HIF1A: variants seen among roughly 807,000 people sequenced by gnomAD.
The protein encoded by HIF1A is hypoxia inducible factor 1 subunit alpha.
In HIF1A, 24 loss-of-function variants were observed where a neutral mutation model predicts 92.7. The observed-to-expected ratio is 0.26, with a 90% CI of 0.19 to 0.36. HIF1A has a LOEUF of 0.36. Among genes scored for constraint, HIF1A ranks in the 10% least tolerant of loss-of-function variants. The pLI, the probability that HIF1A is intolerant of heterozygous loss-of-function variation, is 1.00. For missense variants in HIF1A, 799 were observed against 998.5 expected (o/e 0.80, Z 2.69); for synonymous variants, 319 against 338.7 (o/e 0.94, Z 0.64).
rs1319118404 is a variant in HIF1A, at chr14:61,732,513, C to T, written c.869C>T (p.Thr290Ile). ...TTGGACTCTGATCATCTGACCAAAA[C>T]TCATCATGATAGTAAGTACAATGGA... ...HALDSDHLTK[T>I]HHDMFTKGQV... Residue 290 changes from threonine to isoleucine, a missense_variant, in exon 7 of 15, where the codon ACT (threonine) becomes ATT (isoleucine). Transcript: ENST00000337138. 2 of 1,582,456 alleles carry T rather than the reference C, an allele frequency of 1.3e-6. No homozygotes were observed. The highest frequency in any genetic ancestry group is 2.2e-5 in the South Asian group (2 of 90,408).
In HIF1A at chr14:61,695,535, G is replaced by C. The variant is rs956249304; in HGVS notation, c.-270G>C. ...CTCAGTGCACAGTGCTGCCTCGTCT[G>C]AGGGGACAGGAGGATCACCCTCTTC... On this transcript the variant is annotated 5_prime_UTR_variant, in exon 1 of 15. Coordinates refer to ENST00000337138, the MANE Select transcript of HIF1A (RefSeq NM_001530.4). The C allele has an allele frequency of 2.9e-5, 16 of 554,502 alleles. No individual in the cohort carries two copies. The highest frequency in any genetic ancestry group is 1.8e-4 in the South Asian group (8 of 45,500). The allele number at this position is 554,502 out of a possible 1,614,324, so 34.3% of individuals were successfully genotyped here.
At chr14:61,701,961 C>G (rs2140117869) in intron 1 of HIF1A, among the ~76,000 whole-genome samples, 1 of 152,002 alleles carries the variant, frequency 6.6e-6, no homozygotes, top group South Asian at 2.1e-4. Flanking sequence ...GCACTCCAGC[C>G]TGGGTGACAG....
intron 9 of HIF1A, among the ~76,000 whole-genome samples, chr14:61,737,793 G>C (rs1014200073): frequency 1.3e-5 from 2 of 152,160 alleles, no homozygotes; most frequent in Non-Finnish European, 2.9e-5. Context: ...TTGGGAGGCC[G>C]AGGCGGGTGG....
rs754879947 is a variant in HIF1A at position 61,746,392 on chromosome 14, CTT to C, written c.2330-521_2330-520del. On this transcript the variant is annotated intron_variant, in intron 14 of 14. Transcript: ENST00000337138. ...TGAAATTTGTGAACTTTTATGACTT[CTT>C]TTTTTTTTTTTTTTTTTTTTGAGAC... Among the ~76,000 whole-genome samples the C allele has an allele frequency of 3.0e-4, 15 of 49,466 alleles. 2 individuals are homozygous for C. The highest frequency in any genetic ancestry group is 1.7e-3 in the Admixed American group (6 of 3,590). The allele number at this position is 49,466 out of a possible 152,430, so 32.5% of individuals were successfully genotyped here.
At chr14:61,736,744 C>T (rs10873142) in intron 8 of HIF1A, 145 bp from the exon 9 acceptor site, 465,644 of 618,868 alleles carry the variant, frequency 0.75, 181,797 homozygotes, top group Non-Finnish European at 0.81. Context: ...TGACACAGTA[C>T]GCATGAGTGA....
intron 1 of HIF1A, among the ~76,000 whole-genome samples, chr14:61,711,342 C>CT (rs1421922652): frequency 6.6e-6 from 1 of 150,454 alleles, no homozygotes; most frequent in Non-Finnish European, 1.5e-5. Context: ...GTATCTGGAA[C>CT]TACAGGAGTG....
At chr14:61,716,885 G>C (rs893681442) in intron 1 of HIF1A, 1 of 152,282 alleles carries the variant, frequency 6.6e-6, no homozygotes, top group East Asian at 1.9e-4. Context: ...TTTGCCAGTA[G>C]TATACTCCAA....
rs151014985 is a variant in HIF1A, at chr14:61,707,053, A to AT, written c.35+11217dup. ...GATATATTTCCTGTATTTGTAAAGC[A>AT]TTTGGGTAGGTTTTTTAAAGAGAAA... is the stretch of plus-strand genomic sequence containing the variant. On this transcript the variant is annotated intron_variant, in intron 1 of 14. Coordinates refer to ENST00000337138, the MANE Select transcript of HIF1A (RefSeq NM_001530.4). Among the ~76,000 whole-genome samples the AT allele has an allele frequency of 5.1e-3, 776 of 152,292 alleles. 6 individuals are homozygous for AT. The highest frequency in any genetic ancestry group is 0.018 in the African/African-American group (728 of 41,568).
chr14:61,726,684 C>T, intron 4 of HIF1A, 22 bp from the exon 5 acceptor site: 4 of 1,483,992 alleles, frequency 2.7e-6, no homozygotes, highest in African/African-American at 1.4e-5. Flanking sequence ...TGCTTTAAAA[C>T]TTTATTTCAT....
At chr14:61,721,929 T>C (rs2044435596) in intron 4 of HIF1A, 106 bp downstream of exon 4, 3 of 695,590 alleles carry the variant, frequency 4.3e-6, no homozygotes, top group Non-Finnish European at 7.4e-6. Flanking sequence ...AGGCAAAATG[T>C]TATTTCATGT....
At chr14:61,745,264 A>C (rs532647353) in intron 13 of HIF1A, among the ~76,000 whole-genome samples, 1 of 152,274 alleles carries the variant, frequency 6.6e-6, no homozygotes, top group Admixed American at 6.5e-5. Context: ...CTCTACTAAA[A>C]ATACAAAAAT....
chr14:61,736,934 A>T lies in HIF1A; in HGVS notation c.1074A>T (p.Glu358Asp). 1 of 1,614,080 alleles carries T rather than the reference A, an allele frequency of 6.2e-7. No individual in the cohort carries two copies. Among genetic ancestry groups the T allele is most frequent in the Non-Finnish European group, 8.5e-7 (1 of 1,179,930 alleles). The change falls in exon 9 of 15, where the codon GAA becomes GAT. Residue 358 changes from glutamate to aspartate, a missense_variant. Coordinates refer to ENST00000337138, the MANE Select transcript of HIF1A (RefSeq NM_001530.4). ...TGATTTTCTCCCTTCAACAAACAGAATGTGTCCTTAAACCGGTTGAATCTT... is the reference window on the plus strand; with the variant it reads ...TGATTTTCTCCCTTCAACAAACAGATTGTGTCCTTAAACCGGTTGAATCTT... ...HDLIFSLQQT[E>D]CVLKPVESSD...
chr14:61,728,214 G>T (rs1347680027), intron 6 of HIF1A, among the ~76,000 whole-genome samples: 1 of 151,960 alleles, frequency 6.6e-6, no homozygotes, highest in Non-Finnish European at 1.5e-5. Context: ...TCCCCAATAG[G>T]GGCTCTACTT....
intron 1 of HIF1A, among the ~76,000 whole-genome samples, chr14:61,718,999 C>T (rs2044395465): frequency 6.6e-6 from 1 of 152,290 alleles, no homozygotes; most frequent in South Asian, 2.1e-4. Flanking sequence ...AGTATTGTCA[C>T]AATACAACAT....
At position 61,695,779 on chromosome 14, in the gene HIF1A, G is replaced by T; in HGVS notation, c.-26G>T. On this transcript the variant is annotated 5_prime_UTR_variant, in exon 1 of 15. Coordinates refer to ENST00000337138, the MANE Select transcript of HIF1A (RefSeq NM_001530.4). The stretch of plus-strand genomic sequence containing the variant: ...AGCGAGCCTGGGGGCCGCCCGCCGT[G>T]AAGACATCGCGGGGACCGATTCACC... 6.3e-7 allele frequency: 1 copy of T among 1,591,686 alleles called. No individual in the cohort carries two copies. The highest frequency in any genetic ancestry group is 8.5e-7 in the Non-Finnish European group (1 of 1,170,960).
At chr14:61,734,989 C>T (rs1358645916) in intron 8 of HIF1A, among the ~76,000 whole-genome samples, 4 of 152,188 alleles carry the variant, frequency 2.6e-5, no homozygotes, top group Non-Finnish European at 5.9e-5. Context: ...ATGAACTCTT[C>T]ACTTAGCTCT....
rs780360794 is a variant in HIF1A, at chr14:61,740,541, A to G, written c.1573A>G (p.Ser525Gly). 2.5e-6 allele frequency: 4 copies of G among 1,594,858 alleles called. No individual in the cohort carries two copies. Among genetic ancestry groups the G allele is most frequent in the South Asian group, 1.1e-5 (1 of 89,568 alleles). ...SPSEYCFYVD[S>G]DMVNEFKLEL... ...CAGTGAATATTGTTTTTATGTGGAT[A>G]GTGATATGGTCAATGAATTCAAGTT... The change falls in exon 11 of 15, where the codon AGT becomes GGT. Residue 525 changes from serine to glycine, a missense_variant. Transcript: ENST00000337138.
intron 8 of HIF1A, among the ~76,000 whole-genome samples, chr14:61,734,643 G>T (rs1420470159): frequency 6.6e-6 from 1 of 152,154 alleles, no homozygotes; most frequent in Non-Finnish European, 1.5e-5. Flanking sequence ...GCCTAGATTT[G>T]TATCATAGCT....
chr14:61,734,838 C>G, intron 8 of HIF1A, among the ~76,000 whole-genome samples: 1 of 152,062 alleles, frequency 6.6e-6, no homozygotes, highest in Non-Finnish European at 1.5e-5. Flanking sequence ...TGTAGCACAC[C>G]AACATGGCAC....
Sources: allele counts gnomAD v4.1 joint callset (sites outside exome capture counted in the v4.1 genomes callset), GRCh38; gene constraint gnomAD v4.1.1; transcripts MANE v1.5; gene names NCBI Gene and HGNC (gene_info 2026-07-23, HGNC 2026-07-21).